Variants in THSD7A observed in about 807,000 individuals in gnomAD.
The protein encoded by THSD7A is thrombospondin type 1 domain containing 7A.
Under a neutral mutation model 231.3 loss-of-function variants are expected in THSD7A, and 96 were observed. The ratio of observed to expected loss-of-function variants is 0.41; its 90% CI spans 0.35 to 0.49. The LOEUF is 0.49. Ranked by LOEUF, THSD7A falls within the 20% of genes least tolerant of loss-of-function variation. THSD7A has a pLI of 0.05. For missense variants in THSD7A, 2,290 were observed against 2,070.2 expected, an observed-to-expected ratio of 1.11 and a Z score of -2.06; for synonymous variants, 940 against 743.3, an observed-to-expected ratio of 1.26 and a Z score of -4.30.
intron 2 of THSD7A, among the ~76,000 whole-genome samples, chr7:11,602,323 T>C (rs1293436985): frequency 6.6e-6 from 1 of 152,126 alleles, no homozygotes; most frequent in Non-Finnish European, 1.5e-5. Flanking sequence ...TGTATATATG[T>C]AGTTTATCTT....
At chr7:11,783,351 A>T (rs983391704) in intron 1 of THSD7A, among the ~76,000 whole-genome samples, 1 of 152,174 alleles carries the variant, frequency 6.6e-6, no homozygotes, top group African/African-American at 2.4e-5. Context: ...CATATAATTT[A>T]CTGAAAGTGA....
rs901518335 is a variant in THSD7A at position 11,413,681 on chromosome 7, G to C, written c.3538-881C>G. On this transcript the variant is annotated intron_variant, in intron 17 of 27. Transcript: ENST00000423059. The stretch of plus-strand genomic sequence containing the variant: ...AAAGCTAATGAAAGGCCATCAGGCT[G>C]GGAGAGGAGAGGAACCTGAATTCTG... 2.0e-5 allele frequency: 3 copies of C among 152,200 alleles called. No individual in the cohort carries two copies. The East Asian group carries it at 5.8e-4, about 29-fold the overall frequency. The allele number at this position is 152,200 out of a possible 1,614,324, so 9.4% of individuals were successfully genotyped here.
intron 7 of THSD7A, among the ~76,000 whole-genome samples, chr7:11,480,807 C>A (rs1363326299): frequency 1.3e-5 from 2 of 151,756 alleles, no homozygotes; most frequent in Non-Finnish European, 2.9e-5. Flanking sequence ...ACTTCATGAA[C>A]AGAAAAATAG....
intron 11 of THSD7A, among the ~76,000 whole-genome samples, chr7:11,457,805 A>T (rs1785358754): frequency 1.3e-5 from 2 of 152,076 alleles, no homozygotes; most frequent in African/African-American, 4.8e-5. Flanking sequence ...AATTGATCTT[A>T]TCTTGTATTC....
intron 7 of THSD7A, among the ~76,000 whole-genome samples, chr7:11,481,216 G>A (rs1348708868): frequency 1.3e-5 from 2 of 152,086 alleles, no homozygotes. Context: ...TCACCCTATA[G>A]GGTGAAGAGA....
rs1328765569 is a variant in THSD7A, at chr7:11,831,707, A to C, written c.190+50T>G. On this transcript the variant is annotated intron_variant, in intron 1 of 27. Coordinates refer to ENST00000423059, the MANE Select transcript of THSD7A (RefSeq NM_015204.3). The surrounding 1 kb of genome is among the most constrained non-coding windows in gnomAD (Gnocchi z 5.0). ...CCTACAGAAGCCCACCAGCTCCTTAATGTGGCCCCAGATGTGAAGATGGGG... is the reference window on the plus strand; with the variant it reads ...CCTACAGAAGCCCACCAGCTCCTTACTGTGGCCCCAGATGTGAAGATGGGG... The C allele has an allele frequency of 1.5e-6, 2 of 1,304,856 alleles. No individual in the cohort carries two copies. Among genetic ancestry groups the C allele is most frequent in the Non-Finnish European group, 2.0e-6 (2 of 1,010,328 alleles). The allele number at this position is 1,304,856 out of a possible 1,614,324, so 80.8% of individuals were successfully genotyped here.
At chr7:11,556,401 ACCCT>A (rs1220389011) in intron 4 of THSD7A, among the ~76,000 whole-genome samples, 1 of 151,486 alleles carries the variant, frequency 6.6e-6, no homozygotes, top group African/African-American at 2.4e-5. Flanking sequence ...TAGAAATCTT[ACCCT>A]CCCTCATTTG....
intron 4 of THSD7A, among the ~76,000 whole-genome samples, chr7:11,562,473 C>T (rs1790115439): frequency 2.0e-5 from 3 of 152,134 alleles, no homozygotes; most frequent in African/African-American, 7.2e-5. Context: ...TCAAAACCTC[C>T]TGATACGTAT....
intron 1 of THSD7A, among the ~76,000 whole-genome samples, chr7:11,723,388 A>T: frequency 6.6e-6 from 1 of 151,812 alleles, no homozygotes; most frequent in East Asian, 2.0e-4. Flanking sequence ...TGACGAGTTA[A>T]TGAGTGCAGC....
intron 1 of THSD7A, among the ~76,000 whole-genome samples, chr7:11,699,249 G>C (rs967598390): frequency 4.6e-4 from 70 of 151,066 alleles, no homozygotes; most frequent in African/African-American, 1.6e-3. Context: ...ATGACCCAGG[G>C]CCACAAAGAA....
chr7:11,499,594 T>A (rs1027976165), intron 6 of THSD7A, among the ~76,000 whole-genome samples: 2 of 152,110 alleles, frequency 1.3e-5, no homozygotes, highest in Non-Finnish European at 2.9e-5. Flanking sequence ...ATACAGGAGC[T>A]GAAGGACAGC....
At chr7:11,464,796 T>TAC (rs947099243) in intron 9 of THSD7A, among the ~76,000 whole-genome samples, 2 of 152,152 alleles carry the variant, frequency 1.3e-5, no homozygotes, top group Admixed American at 1.3e-4. Flanking sequence ...TTAATGGGGT[T>TAC]ACACAGGAAG....
At position 11,637,099 on chromosome 7, in the gene THSD7A, G is replaced by A. The variant is rs1182213210; in HGVS notation, c.191-138C>T. On this transcript the variant is annotated intron_variant, in intron 1 of 27. Transcript: ENST00000423059. The surrounding 1 kb of genome is among the most constrained non-coding windows in gnomAD (Gnocchi z 4.2). ...ACAAAGTAGGTCTCTGGACACGACT[G>A]TTGGAAAGTAATGATCCTCGCTAAG... 3.9e-6 allele frequency: 3 copies of A among 767,190 alleles called. No homozygotes were observed. The highest frequency in any genetic ancestry group is 6.2e-6 in the Non-Finnish European group (3 of 487,588). The allele number at this position is 767,190 out of a possible 1,614,324, so 47.5% of individuals were successfully genotyped here. A position where few individuals can be genotyped will look rare whatever the true frequency, so the allele number is the denominator to read the frequency against.
chr7:11,615,802 C>G (rs898016525), intron 2 of THSD7A, among the ~76,000 whole-genome samples: 2 of 152,132 alleles, frequency 1.3e-5, no homozygotes, highest in African/African-American at 4.8e-5. Context: ...TTTTCCTGGT[C>G]TCACACTGTG....
intron 1 of THSD7A, among the ~76,000 whole-genome samples, chr7:11,710,482 C>A (rs1259659387): frequency 6.6e-6 from 1 of 150,716 alleles, no homozygotes; most frequent in Non-Finnish European, 1.5e-5. Context: ...AAACATGCTG[C>A]AAAATTTGTA....
intron 9 of THSD7A, among the ~76,000 whole-genome samples, chr7:11,462,768 A>T (rs1785553127): frequency 6.6e-6 from 1 of 152,016 alleles, no homozygotes; most frequent in Admixed American, 6.6e-5. Context: ...TTAGAGAAGC[A>T]GTCAAAATAG....
chr7:11,448,472 C>A (rs961496683), intron 11 of THSD7A, among the ~76,000 whole-genome samples: 16 of 152,048 alleles, frequency 1.1e-4, no homozygotes, highest in African/African-American at 3.9e-4. Context: ...ATTTACTTGG[C>A]TTTTTCAGGT....
chr7:11,813,714 AAATAATAATAATAAT>A lies in THSD7A; in HGVS notation c.190+18028_190+18042del, dbSNP rs61350544. On this transcript the variant is annotated intron_variant, in intron 1 of 27. Coordinates refer to ENST00000423059, the MANE Select transcript of THSD7A (RefSeq NM_015204.3). Reference sequence around the variant, plus strand: ...GGCGACAGAGCAAGACTCCATCTCAAAATAATAATAATAATAATAATAATAATAATAATAATAATA... The same window carrying A: ...GGCGACAGAGCAAGACTCCATCTCAAAATAATAATAATAATAATAATAATA... 4.1e-3 allele frequency among the ~76,000 whole-genome samples: 597 copies of A among 145,066 alleles called. 2 individuals carry two copies. The highest frequency in any genetic ancestry group is 0.014 in the African/African-American group (535 of 39,124).
At chr7:11,735,245 A>G (rs1781875715) in intron 1 of THSD7A, among the ~76,000 whole-genome samples, 1 of 151,854 alleles carries the variant, frequency 6.6e-6, no homozygotes, top group Admixed American at 6.6e-5. Flanking sequence ...TTGGTGTTCT[A>G]TGGTGTTATA....
Sources: allele counts gnomAD v4.1 joint callset (sites outside exome capture counted in the v4.1 genomes callset), GRCh38; gene constraint gnomAD v4.1.1; non-coding constraint Gnocchi (gnomAD v3.1); transcripts MANE v1.5; gene names NCBI Gene and HGNC (gene_info 2026-07-23, HGNC 2026-07-21).